Variants in CNTN3 observed in about 807,000 individuals in gnomAD.
CNTN3 encodes contactin-3.
In CNTN3, 60 loss-of-function variants were observed where a neutral mutation model predicts 119.1. The observed-to-expected ratio is 0.50, with a 90% CI of 0.41 to 0.62. The LOEUF (loss-of-function observed/expected upper bound fraction) is 0.62, where lower values mean the gene tolerates loss of function less well. CNTN3 is among the 20% of genes least tolerant of loss of function. The probability of loss-of-function intolerance (pLI) is 0.00; values close to 1 mark genes in which losing one functional copy is unlikely to be tolerated. For missense variants in CNTN3, 1,101 were observed against 1,242.4 expected (o/e 0.89, Z 1.71); for synonymous variants, 450 against 438.7 (o/e 1.03, Z -0.32).
intron 20 of CNTN3, among the ~76,000 whole-genome samples, chr3:74,275,519 T>G (rs1701861798): frequency 6.6e-6 from 1 of 152,094 alleles, no homozygotes; most frequent in African/African-American, 2.4e-5. Context: ...AAAACAATTA[T>G]CAGCCAATAA....
At chr3:74,518,858 G>A (rs536435526) in intron 2 of CNTN3, among the ~76,000 whole-genome samples, 3 of 151,988 alleles carry the variant, frequency 2.0e-5, no homozygotes, top group Admixed American at 1.3e-4. Flanking sequence ...CTATCACTGT[G>A]AAAACAAGCA....
At chr3:74,276,959 T>C (rs1252000474) in intron 20 of CNTN3, among the ~76,000 whole-genome samples, 4 of 152,064 alleles carry the variant, frequency 2.6e-5, no homozygotes, top group Non-Finnish European at 5.9e-5. Flanking sequence ...ATATTACAAC[T>C]GACACCACAC....
At chr3:74,578,271 A>C (rs1312147030) in intron 1 of CNTN3, among the ~76,000 whole-genome samples, 1 of 152,088 alleles carries the variant, frequency 6.6e-6, no homozygotes, top group Non-Finnish European at 1.5e-5. Flanking sequence ...CATTAATAAA[A>C]TAAAATCTGG....
At chr3:74,471,307 A>G (rs1215619207) in intron 4 of CNTN3, among the ~76,000 whole-genome samples, 1 of 152,162 alleles carries the variant, frequency 6.6e-6, no homozygotes, top group Non-Finnish European at 1.5e-5. Context: ...ACAATACTGC[A>G]TGTTCTTCAC....
intron 3 of CNTN3, among the ~76,000 whole-genome samples, chr3:74,493,870 T>A (rs577294666): frequency 1.2e-4 from 19 of 152,278 alleles, no homozygotes; most frequent in East Asian, 3.9e-4. Context: ...GCTGTTTTTT[T>A]AAAAAATTGA....
rs1309535296 is a variant in CNTN3 at position 74,364,682 on chromosome 3, A to G, written c.1084-86T>C. Reference sequence around the variant, plus strand: ...ACTGACTATCATTTCACTCACACAGAAACTTTCTGCATTTTTCTGAGAGTA... The same window carrying G: ...ACTGACTATCATTTCACTCACACAGGAACTTTCTGCATTTTTCTGAGAGTA... On this transcript the variant is annotated intron_variant, in intron 9 of 22. Transcript: ENST00000263665. 2.5e-6 allele frequency: 3 copies of G among 1,188,660 alleles called. No homozygotes were observed. The Admixed American group carries it at 6.1e-5, about 24-fold the overall frequency. 73.6% of individuals were successfully genotyped at this position (1,188,660 alleles called of 1,614,324 possible). A position where few individuals can be genotyped will look rare whatever the true frequency, so the allele number is the denominator to read the frequency against.
chr3:74,315,147 T>A (rs749240917), intron 13 of CNTN3, among the ~76,000 whole-genome samples: 10 of 152,222 alleles, frequency 6.6e-5, no homozygotes, highest in South Asian at 2.1e-4. Flanking sequence ...CCATGACAGT[T>A]CACATATGCC....
rs182739514 is a variant in CNTN3 at position 74,611,200 on chromosome 3, T to C, written c.-81+3191A>G. Among the ~76,000 whole-genome samples, 359 of 152,314 alleles carry C rather than the reference T, an allele frequency of 2.4e-3. 2 individuals carry two copies. The highest frequency in any genetic ancestry group is 8.4e-3 in the African/African-American group (351 of 41,568). On this transcript the variant is annotated intron_variant, in intron 1 of 22. Transcript: ENST00000263665. ...AACTCACTGAATTATTTTATCCTACTTAAGAAAATAGTCATTTTTCCTCAT... is the reference window on the plus strand; with the variant it reads ...AACTCACTGAATTATTTTATCCTACCTAAGAAAATAGTCATTTTTCCTCAT...
At chr3:74,437,714 C>A (rs868005696) in intron 4 of CNTN3, among the ~76,000 whole-genome samples, 10 of 151,474 alleles carry the variant, frequency 6.6e-5, no homozygotes, top group Non-Finnish European at 7.4e-5. Flanking sequence ...TGTATATATA[C>A]ATATATATAG....
At chr3:74,397,213 A>G (rs909923639) in intron 5 of CNTN3, among the ~76,000 whole-genome samples, 1 of 152,184 alleles carries the variant, frequency 6.6e-6, no homozygotes, top group African/African-American at 2.4e-5. Flanking sequence ...AGAACAAAAC[A>G]TGGGTGAGAG....
chr3:74,383,559 C>G (rs1233380618), intron 5 of CNTN3, among the ~76,000 whole-genome samples: 1 of 152,120 alleles, frequency 6.6e-6, no homozygotes, highest in Non-Finnish European at 1.5e-5. Context: ...GATCATGGCT[C>G]ACTGCAGTCT....
At chr3:74,560,348 C>A (rs1331952073) in intron 1 of CNTN3, among the ~76,000 whole-genome samples, 1 of 152,140 alleles carries the variant, frequency 6.6e-6, no homozygotes, top group Non-Finnish European at 1.5e-5. Context: ...ATGGTAATCT[C>A]ATATCCACAG....
chr3:74,432,453 G>A (rs560767192), intron 4 of CNTN3, among the ~76,000 whole-genome samples: 2 of 151,876 alleles, frequency 1.3e-5, no homozygotes, highest in East Asian at 3.9e-4. Flanking sequence ...TTTGTGTTGG[G>A]CTGCATTCGA....
chr3:74,442,365 A>G (rs1012270238), intron 4 of CNTN3, among the ~76,000 whole-genome samples: 1 of 152,132 alleles, frequency 6.6e-6, no homozygotes, highest in Non-Finnish European at 1.5e-5. Context: ...GCTGCTGCCG[A>G]TAACACCCTT....
In CNTN3 at chr3:74,408,537, T is replaced by G. The variant is rs368805817; in HGVS notation, c.454+16308A>C. ...AGGGGACATAATTGAGGCCTAAAAC[T>G]GGCTTGCTTTTTGGATCCTTGTCAA... On this transcript the variant is annotated intron_variant, in intron 5 of 22. Coordinates refer to ENST00000263665, the MANE Select transcript of CNTN3 (RefSeq NM_020872.3). 1.6e-4 allele frequency among the ~76,000 whole-genome samples: 25 copies of G among 152,294 alleles called. No homozygotes were observed. The East Asian group carries it at 3.5e-3, about 21-fold the overall frequency.
chr3:74,345,886 C>T (rs1321611517), intron 11 of CNTN3, among the ~76,000 whole-genome samples: 1 of 152,194 alleles, frequency 6.6e-6, no homozygotes. Context: ...TAACTTCATA[C>T]ATTCATTCCA....
chr3:74,269,594 G>A (rs1701729541), intron 20 of CNTN3, among the ~76,000 whole-genome samples: 1 of 152,106 alleles, frequency 6.6e-6, no homozygotes, highest in South Asian at 2.1e-4. Flanking sequence ...TAAAAAGATT[G>A]TATAAGCATG....
Position 74,369,205 on chromosome 3 carries a change from C to G in CNTN3, c.930G>C (p.Gly310=). The G allele has an allele frequency of 6.2e-7, 1 of 1,602,864 alleles. No homozygotes were observed. Among genetic ancestry groups the G allele is most frequent in the Non-Finnish European group, 8.5e-7 (1 of 1,174,904 alleles). The change falls in exon 8 of 23, where the codon GGG becomes GGC. Residue 310 remains glycine (G), a synonymous_variant. Coordinates refer to ENST00000263665, the MANE Select transcript of CNTN3 (RefSeq NM_020872.3). ...GATGCTCACCATAGTAAGTGAGACG[C>G]CCTCTGGCAACATTTTTTCCTCGTG... ...ENSRGKNVAR[G]RLTYYAKPHW...
rs745514119 is a variant in CNTN3, at chr3:74,312,455, C to CAAAAAAAA, written c.1669-9656_1669-9649dup. On this transcript the variant is annotated intron_variant, in intron 13 of 22. Transcript: ENST00000263665. The stretch of plus-strand genomic sequence containing the variant: ...TGGGTGACAGAGTGAGACTCCATCT[C>CAAAAAAAA]AAAAAAAAAAAAAAAAAAAAAAAAA... Among the ~76,000 whole-genome samples, 6 of 27,804 alleles carry CAAAAAAAA rather than the reference C, an allele frequency of 2.2e-4. 2 individuals carry two copies. Among genetic ancestry groups the CAAAAAAAA allele is most frequent in the African/African-American group, 6.4e-4 (5 of 7,826 alleles). 18.2% of individuals were successfully genotyped at this position (27,804 alleles called of 152,430 possible).
Sources: gnomAD v4.1 joint callset for allele counts (sites outside exome capture counted in the v4.1 genomes callset) on GRCh38, gnomAD v4.1.1 for gene constraint, MANE v1.5 for transcripts, NCBI Gene and HGNC (gene_info 2026-07-23, HGNC 2026-07-21) for gene names.